The following GLDC variants were observed in gnomAD, a reference collection of about 807,000 sequenced individuals.
GLDC encodes glycine dehydrogenase (decarboxylating), mitochondrial.
Under a neutral mutation model 121.3 loss-of-function variants are expected in GLDC, and 104 were observed. The ratio of observed to expected loss-of-function variants is 0.86; its 90% CI spans 0.73 to 1.01. The LOEUF is 1.01. Ranked by LOEUF, GLDC falls within the 50% of genes least tolerant of loss-of-function variation. The pLI is 0.00. For synonymous variants in GLDC, 546 were observed against 480.6 expected (o/e 1.14, Z -1.78); for missense variants, 1,429 against 1,306.6 (o/e 1.09, Z -1.44).
chr9:6,534,647 C>T (rs1817079533), intron 24 of GLDC, 61 bp downstream of exon 24: 10 of 842,042 alleles, frequency 1.2e-5, no homozygotes, highest in Non-Finnish European at 1.7e-5. Flanking sequence ...AGCGTACACC[C>T]GTCAGGATAG....
intron 7 of GLDC, among the ~76,000 whole-genome samples, chr9:6,603,284 C>T (rs973728178): frequency 4.0e-5 from 6 of 148,766 alleles, no homozygotes; most frequent in Middle Eastern, 3.2e-3. Context: ...TACAGTGTAA[C>T]AACCATTGCA....
At chr9:6,553,025 C>T (rs918422035) in intron 20 of GLDC, among the ~76,000 whole-genome samples, 3 of 151,916 alleles carry the variant, frequency 2.0e-5, no homozygotes, top group Non-Finnish European at 4.4e-5. Context: ...TCGGAAGGGG[C>T]TATATAAATC....
chr9:6,609,116 C>T (rs1378219355), intron 4 of GLDC, among the ~76,000 whole-genome samples: 2 of 152,154 alleles, frequency 1.3e-5, no homozygotes, highest in Non-Finnish European at 2.9e-5. Flanking sequence ...TCTTTCCCAA[C>T]CAGATGGCCA....
chr9:6,565,746 A>G (rs1205888750), intron 15 of GLDC: 1 of 567,612 alleles, frequency 1.8e-6, no homozygotes, highest in Non-Finnish European at 3.1e-6. Flanking sequence ...AAACTATACC[A>G]AAATACAGTG....
At chr9:6,544,153 G>A (rs948299824) in intron 21 of GLDC, among the ~76,000 whole-genome samples, 3 of 152,202 alleles carry the variant, frequency 2.0e-5, no homozygotes, top group East Asian at 1.9e-4. Flanking sequence ...GCTTGGTCAA[G>A]CCTTTTAGCT....
intron 9 of GLDC, among the ~76,000 whole-genome samples, chr9:6,593,526 T>G (rs1019209715): frequency 1.3e-4 from 20 of 151,906 alleles, no homozygotes; most frequent in African/African-American, 4.4e-4. Flanking sequence ...GGCCTTGAAC[T>G]CTGGGACTCA....
At chr9:6,535,964 T>C (rs535391886) in intron 23 of GLDC, 100 bp downstream of exon 23, 5 of 995,084 alleles carry the variant, frequency 5.0e-6, no homozygotes, top group African/African-American at 1.6e-5. Flanking sequence ...TAGGGAAGAG[T>C]ATCATCCTCA....
intron 2 of GLDC, among the ~76,000 whole-genome samples, chr9:6,641,748 G>A (rs1308586284): frequency 3.3e-5 from 5 of 152,216 alleles, no homozygotes; most frequent in African/African-American, 1.2e-4. Flanking sequence ...TGAGTTATGT[G>A]TAATAAGTAA....
intron 2 of GLDC, among the ~76,000 whole-genome samples, chr9:6,625,658 A>G (rs569985841): frequency 2.0e-5 from 3 of 152,344 alleles, no homozygotes; most frequent in South Asian, 2.1e-4. Flanking sequence ...CCCGCTGCAT[A>G]TAGAGGTGCT....
chr9:6,536,523 C>T (rs1315013313), intron 22 of GLDC, among the ~76,000 whole-genome samples: 1 of 151,960 alleles, frequency 6.6e-6, no homozygotes, highest in Non-Finnish European at 1.5e-5. Flanking sequence ...GCTAAACATT[C>T]AAAAATATTA....
intron 2 of GLDC, among the ~76,000 whole-genome samples, chr9:6,626,663 G>T (rs1051261929): frequency 2.0e-5 from 3 of 151,802 alleles, no homozygotes; most frequent in African/African-American, 7.3e-5. Flanking sequence ...CTCAAGTAAA[G>T]AGAGATTTGA....
rs1587907205 is a variant in GLDC at position 6,532,912 on chromosome 9, A to G, written c.*105T>C. On this transcript the variant is annotated 3_prime_UTR_variant, in exon 25 of 25. Transcript: ENST00000321612. ...GAGATTACAGAGATATACACAGTAT[A>G]TAAAACTCCTACTTGAGGCTGGGGT... The G allele has an allele frequency of 1.2e-6, 1 of 830,946 alleles. No homozygotes were observed. Among genetic ancestry groups the G allele is most frequent in the Non-Finnish European group, 2.1e-6 (1 of 469,996 alleles). The allele number at this position is 830,946 out of a possible 1,614,324, so 51.5% of individuals were successfully genotyped here.
In GLDC at chr9:6,606,580, C is replaced by G. The variant is rs1390879616; in HGVS notation, c.713+12G>C. ...ATTATACTGAGTTTAAAACACGAAT[C>G]AAATTAATTACTTGGCTCGAGTCTG... On this transcript the variant is annotated intron_variant, in intron 5 of 24. Transcript: ENST00000321612. 14 of 1,517,944 alleles carry G rather than the reference C, an allele frequency of 9.2e-6. 1 individual carries two copies. In the South Asian group the frequency reaches 1.5e-4, roughly 16 times the overall value. The allele number at this position is 1,517,944 out of a possible 1,614,324, so 94.0% of individuals were successfully genotyped here.
chr9:6,593,571 G>A (rs1212087583), intron 9 of GLDC, among the ~76,000 whole-genome samples: 6 of 151,582 alleles, frequency 4.0e-5, no homozygotes, highest in Non-Finnish European at 7.4e-5. Flanking sequence ...CAAAACGATG[G>A]GATTATAGGT....
intron 3 of GLDC, among the ~76,000 whole-genome samples, chr9:6,618,473 A>G (rs1819009460): frequency 6.6e-6 from 1 of 151,972 alleles, no homozygotes; most frequent in Non-Finnish European, 1.5e-5. Context: ...ACGCCCAGCT[A>G]ATTTTGTATT....
chr9:6,641,838 G>C (rs1164666371), intron 2 of GLDC, among the ~76,000 whole-genome samples: 3 of 152,146 alleles, frequency 2.0e-5, no homozygotes, highest in South Asian at 4.1e-4. Context: ...TCTCACTACA[G>C]TTTTCTCTGT....
intron 20 of GLDC, among the ~76,000 whole-genome samples, chr9:6,551,509 C>T (rs1036532005): frequency 2.6e-5 from 4 of 152,166 alleles, no homozygotes; most frequent in African/African-American, 9.7e-5. Flanking sequence ...GAGTACCTCA[C>T]ATGTGATGGA....
chr9:6,645,220 C>T, intron 1 of GLDC, 25 bp downstream of exon 1: 2 of 1,561,996 alleles, frequency 1.3e-6, no homozygotes, highest in Non-Finnish European at 1.7e-6. Flanking sequence ...GGGGAGGCCG[C>T]GGAGGGCCGG....
At chr9:6,614,579 G>A (rs1818931789) in intron 3 of GLDC, among the ~76,000 whole-genome samples, 2 of 150,390 alleles carry the variant, frequency 1.3e-5, no homozygotes, top group African/African-American at 4.9e-5. Flanking sequence ...TGTAGGGACA[G>A]GGTTTCACTA....
Sources: gnomAD v4.1 joint callset for allele counts (sites outside exome capture counted in the v4.1 genomes callset) on GRCh38, gnomAD v4.1.1 for gene constraint, MANE v1.5 for transcripts, NCBI Gene and HGNC (gene_info 2026-07-23, HGNC 2026-07-21) for gene names.